The following ZNF638 variants were observed in gnomAD, a reference collection of about 807,000 sequenced individuals.
ZNF638 encodes CTCL tumor antigen se33-1.
In ZNF638, 46 loss-of-function variants were observed where a neutral mutation model predicts 195.6. That is an observed-to-expected ratio of 0.24 (90% CI 0.19 to 0.30). ZNF638 has a LOEUF of 0.30. Among genes scored for constraint, ZNF638 ranks in the 10% least tolerant of loss-of-function variants. The pLI is 1.00. For missense variants in ZNF638, 2,440 were observed against 2,325.3 expected (o/e 1.05, Z -1.01); for synonymous variants, 845 against 772.0 (o/e 1.09, Z -1.57).
chr2:71,406,806 C>T (rs2080114105), intron 19 of ZNF638, among the ~76,000 whole-genome samples: 1 of 151,938 alleles, frequency 6.6e-6, no homozygotes, highest in Non-Finnish European at 1.5e-5. Context: ...TTGAGACCAG[C>T]CTGGGCAACA....
In ZNF638 at chr2:71,423,440, A is replaced by G. The variant is rs1223459611; in HGVS notation, c.3926A>G (p.Glu1309Gly). ...NISEKKGNMD[E>G]KEEKEFNTKE... ...TCTGAAAAAAAAGGTAACATGGATG[A>G]AAAGGAGGAGAAGGAATTTAATACT... The change falls in exon 22 of 28, where the codon GAA (glutamate) becomes GGA (glycine). Residue 1309 changes from glutamate (E) to glycine (G), a missense_variant. By Grantham distance (98) the Glu-to-Gly change is moderately conservative (BLOSUM62 -2). This residue lies in a region of ZNF638 where 1,883 missense variants were observed against 1,739.1 expected (regional missense o/e 1.08). Coordinates refer to ENST00000264447, the MANE Select transcript of ZNF638 (RefSeq NM_014497.5). 1.2e-6 allele frequency: 2 copies of G among 1,613,520 alleles called. No individual in the cohort carries two copies. The highest frequency in any genetic ancestry group is 3.3e-5 in the Admixed American group (2 of 59,882).
At chr2:71,359,143 A>G (rs1052701674) in intron 3 of ZNF638, among the ~76,000 whole-genome samples, 1 of 152,012 alleles carries the variant, frequency 6.6e-6, no homozygotes, top group East Asian at 1.9e-4. Flanking sequence ...GATATATGAC[A>G]GGGGATTTAC....
intron 1 of ZNF638, among the ~76,000 whole-genome samples, chr2:71,335,035 G>A (rs2078641574): frequency 6.6e-6 from 1 of 152,226 alleles, no homozygotes; most frequent in South Asian, 2.1e-4. Context: ...AGGAGAAATA[G>A]CTTTAACGTA....
intron 2 of ZNF638, among the ~76,000 whole-genome samples, chr2:71,352,712 T>G (rs969955157): frequency 6.6e-6 from 1 of 151,992 alleles, no homozygotes; most frequent in Non-Finnish European, 1.5e-5. Context: ...ATAAGTGAAG[T>G]GACATGTTGG....
chr2:71,348,431 A>G lies in ZNF638; in HGVS notation c.-202-322A>G, dbSNP rs144438011. ...CTTCATCTTTTTTTTCCCCAGTATT[A>G]CAGCGTGAAATAAATTCCCAGTATT... On this transcript the variant is annotated intron_variant, in intron 1 of 27. Transcript: ENST00000264447. The G allele has an allele frequency of 3.0e-6, 3 of 1,014,864 alleles. No individual in the cohort carries two copies. The African/African-American group carries it at 5.2e-5, about 18-fold the overall frequency. 62.9% of individuals were successfully genotyped at this position (1,014,864 alleles called of 1,614,324 possible).
chr2:71,434,942 T>C lies in ZNF638; in HGVS notation c.*135T>C, dbSNP rs1009690029. On this transcript the variant is annotated 3_prime_UTR_variant, in exon 28 of 28. Coordinates refer to ENST00000264447, the MANE Select transcript of ZNF638 (RefSeq NM_014497.5). ...TGTACAAATTTCTGATTGCCCTAAA[T>C]GTAGAGAGACTGATGGGGAAAGTAT... The C allele has an allele frequency of 1.0e-5, 7 of 682,308 alleles. No individual in the cohort carries two copies. The South Asian group carries it at 1.5e-4, about 15-fold the overall frequency. The allele number at this position is 682,308 out of a possible 1,614,324, so 42.3% of individuals were successfully genotyped here.
chr2:71,336,822 A>G (rs942191302), intron 1 of ZNF638, among the ~76,000 whole-genome samples: 1 of 152,212 alleles, frequency 6.6e-6, no homozygotes, highest in Non-Finnish European at 1.5e-5. Context: ...CACTGAATGT[A>G]GGGTCTAAGT....
At chr2:71,390,235 G>C (rs1423029900) in intron 10 of ZNF638, among the ~76,000 whole-genome samples, 1 of 152,206 alleles carries the variant, frequency 6.6e-6, no homozygotes, top group Admixed American at 6.5e-5. Context: ...CTCCAAACTT[G>C]GGCAATGCCA....
At chr2:71,388,788 A>G (rs1430506446) in intron 10 of ZNF638, 3 of 836,908 alleles carry the variant, frequency 3.6e-6, no homozygotes, top group Non-Finnish European at 6.1e-6. Flanking sequence ...GAGTTTCATC[A>G]TGAGACAACA....
Position 71,423,640 on chromosome 2 carries a change from A to G in ZNF638, c.4126A>G (p.Thr1376Ala), listed in dbSNP as rs956206191. The part of the protein sequence containing the change: ...GVGQANKPDE[T>A]SKTSILAVSD... Reference sequence around the variant, plus strand: ...GGGTCAGGCTAATAAGCCTGATGAAACTAGTAAAACTAGTATTCTGGCTGT... The same window carrying G: ...GGGTCAGGCTAATAAGCCTGATGAAGCTAGTAAAACTAGTATTCTGGCTGT... Residue 1376 changes from threonine to alanine, a missense_variant, in exon 22 of 28, where the codon ACT (threonine) becomes GCT (alanine). Physicochemically the swap from Thr to Ala is moderately conservative, Grantham distance 58. Transcript: ENST00000264447. 12 of 1,613,662 alleles carry G rather than the reference A, an allele frequency of 7.4e-6. No individual in the cohort carries two copies. The African/African-American group carries it at 1.6e-4, about 22-fold the overall frequency.
chr2:71,381,523 T>C (rs2079534586), intron 10 of ZNF638, among the ~76,000 whole-genome samples: 1 of 152,100 alleles, frequency 6.6e-6, no homozygotes, highest in African/African-American at 2.4e-5. Context: ...GATTACTTCA[T>C]CTGGGGGGCA....
Position 71,349,234 on chromosome 2 carries a change from C to A in ZNF638, c.280C>A (p.Gln94Lys), listed in dbSNP as rs2078902862. The change falls in exon 2 of 28, where the codon CAG becomes AAG. Residue 94 changes from glutamine (Q) to lysine (K), a missense_variant. Physicochemically the swap from Gln to Lys is moderately conservative, Grantham distance 53 (BLOSUM62 1). Coordinates refer to ENST00000264447, the MANE Select transcript of ZNF638 (RefSeq NM_014497.5). Reference sequence around the variant, plus strand: ...AAAACTGGATTTTCATGAAGCACAACAGAAGAAGGGGAAGCCTCATGGTAG... The same window carrying A: ...AAAACTGGATTTTCATGAAGCACAAAAGAAGAAGGGGAAGCCTCATGGTAG... ...KEKLDFHEAQ[Q>K]KKGKPHGSRW... is the part of the protein sequence containing the mutation. 1 of 1,614,030 alleles carries A rather than the reference C, an allele frequency of 6.2e-7. No homozygotes were observed. The highest frequency in any genetic ancestry group is 1.7e-5 in the Admixed American group (1 of 60,000).
intron 2 of ZNF638, among the ~76,000 whole-genome samples, chr2:71,353,386 G>A (rs2078974058): frequency 1.3e-5 from 2 of 152,184 alleles, no homozygotes; most frequent in South Asian, 2.1e-4. Context: ...GCCCTGATAC[G>A]AGTAGTTATA....
At chr2:71,374,639 G>A (rs1343733696) in intron 8 of ZNF638, among the ~76,000 whole-genome samples, 1 of 152,144 alleles carries the variant, frequency 6.6e-6, no homozygotes, top group East Asian at 1.9e-4. Flanking sequence ...AACATAGTTC[G>A]TTGGCTGGTG....
chr2:71,433,506 A>G (rs2080708148), intron 27 of ZNF638: 1 of 458,964 alleles, frequency 2.2e-6, no homozygotes, highest in African/African-American at 2.0e-5. Flanking sequence ...TCTGCAGATC[A>G]CTAGTCTCAT....
rs1252797879 is a variant in ZNF638 at position 71,416,967 on chromosome 2, G to GAGGC, written c.3262-1626_3262-1623dup. On this transcript the variant is annotated intron_variant, in intron 20 of 27. Coordinates refer to ENST00000264447, the MANE Select transcript of ZNF638 (RefSeq NM_014497.5). ...CCTGCCCCCAGAGGTGGAGCCTACA[G>GAGGC]AGGCAGGCAGGCCTCCTTGAGTTGT... Among the ~76,000 whole-genome samples the GAGGC allele has an allele frequency of 4.0e-3, 609 of 150,692 alleles. 5 individuals are homozygous for GAGGC. The highest frequency in any genetic ancestry group is 0.012 in the African/African-American group (499 of 40,664).
At chr2:71,409,597 G>A (rs72913305) in intron 20 of ZNF638, among the ~76,000 whole-genome samples, 1,658 of 152,188 alleles carry the variant, frequency 0.011, 32 homozygotes, top group African/African-American at 0.038. Context: ...TTCTCAAAAT[G>A]GCGCCACATT....
At chr2:71,417,672 T>TTC (rs561480428) in intron 20 of ZNF638, among the ~76,000 whole-genome samples, 1 of 152,126 alleles carries the variant, frequency 6.6e-6, no homozygotes, top group Admixed American at 6.5e-5. Flanking sequence ...TTTTTTTTTT[T>TTC]TCTCTCTAAT....
At chr2:71,350,877 A>G (rs888155208) in intron 2 of ZNF638, among the ~76,000 whole-genome samples, 1 of 152,240 alleles carries the variant, frequency 6.6e-6, no homozygotes, top group Non-Finnish European at 1.5e-5. Flanking sequence ...ATAGTGTAAA[A>G]TGATAGAAAT....
Sources: gnomAD v4.1 joint callset for allele counts (sites outside exome capture counted in the v4.1 genomes callset) on GRCh38, gnomAD v4.1.1 for gene constraint, gnomAD v4.1.1 regional missense constraint, MANE v1.5 for transcripts, NCBI Gene and HGNC (gene_info 2026-07-23, HGNC 2026-07-21) for gene names.